The following FSTL1 variants were observed in gnomAD, a reference collection of about 807,000 sequenced individuals.
FSTL1 encodes the protein follistatin like 1, also known as follistatin-related protein 1.
FSTL1 carries 24 observed loss-of-function variants against 45.9 expected under a neutral mutation model. The ratio of observed to expected loss-of-function variants is 0.52; its 90% CI spans 0.38 to 0.74. The LOEUF (loss-of-function observed/expected upper bound fraction) is 0.74, where lower values mean the gene tolerates loss of function less well. Among genes scored for constraint, FSTL1 ranks in the 30% least tolerant of loss-of-function variants. The pLI is 0.00. For missense variants in FSTL1, 340 were observed against 381.8 expected (o/e 0.89, Z 0.91); for synonymous variants, 120 against 137.6 (o/e 0.87, Z 0.89).
intron 9 of FSTL1, 70 bp downstream of exon 9, chr3:120,402,738 A>G (rs770867702): frequency 1.0e-6 from 1 of 989,418 alleles, no homozygotes; most frequent in Admixed American, 1.7e-5. Flanking sequence ...CCCCACCCCA[A>G]CTTCTCTCAT....
intron 2 of FSTL1, among the ~76,000 whole-genome samples, chr3:120,433,429 G>A (rs1204417108): frequency 6.6e-6 from 1 of 152,190 alleles, no homozygotes; most frequent in Non-Finnish European, 1.5e-5. Flanking sequence ...AAAGATTGTA[G>A]GCACCTCTTC....
intron 2 of FSTL1, among the ~76,000 whole-genome samples, chr3:120,417,244 ACAATT>A (rs1299035802): frequency 1.1e-4 from 17 of 152,212 alleles, no homozygotes; most frequent in Admixed American, 9.8e-4. Context: ...TTGTAACAGT[ACAATT>A]CTTATAGTTG....
At chr3:120,443,357 G>A (rs1340174387) in intron 2 of FSTL1, among the ~76,000 whole-genome samples, 1 of 149,526 alleles carries the variant, frequency 6.7e-6, no homozygotes, top group Non-Finnish European at 1.5e-5. Context: ...TTCAGAACAG[G>A]GATCTGTATG....
chr3:120,400,709 C>A (rs1936804562), intron 9 of FSTL1, among the ~76,000 whole-genome samples: 1 of 152,160 alleles, frequency 6.6e-6, no homozygotes, highest in Non-Finnish European at 1.5e-5. Flanking sequence ...ATTTTGATGC[C>A]CCTTCTTGCT....
chr3:120,417,081 C>G (rs1472028483), intron 2 of FSTL1, among the ~76,000 whole-genome samples: 1 of 152,162 alleles, frequency 6.6e-6, no homozygotes, highest in Non-Finnish European at 1.5e-5. Context: ...AGACTCAAGG[C>G]TACTGGGCTA....
intron 6 of FSTL1, among the ~76,000 whole-genome samples, chr3:120,407,331 T>C (rs1228131286): frequency 1.3e-5 from 2 of 152,150 alleles, no homozygotes; most frequent in Non-Finnish European, 2.9e-5. Flanking sequence ...GAAGGCTGGC[T>C]CAAGTGTCAG....
intron 2 of FSTL1, chr3:120,438,284 C>G (rs1248596926): frequency 1.3e-5 from 2 of 152,072 alleles, no homozygotes; most frequent in African/African-American, 4.8e-5. Flanking sequence ...CCCAAAATTT[C>G]TTGATCGACT....
rs1223040845 is a variant in FSTL1, at chr3:120,412,112, G to A, written c.169-129C>T. 1.1e-5 allele frequency: 10 copies of A among 914,480 alleles called. No individual in the cohort carries two copies. In the East Asian group the frequency reaches 2.4e-4, roughly 22 times the overall value. The allele number at this position is 914,480 out of a possible 1,614,324, so 56.6% of individuals were successfully genotyped here. ...GGGACTCTCCACCACCAGAGATGGT[G>A]CTTCTACCCCATCAGGGCACAGGCA... On this transcript the variant is annotated intron_variant, in intron 3 of 10. Coordinates refer to ENST00000295633, the MANE Select transcript of FSTL1 (RefSeq NM_007085.5).
At chr3:120,416,060 A>G in intron 2 of FSTL1, 33 bp from the exon 3 acceptor site, 1 of 1,399,880 alleles carries the variant, frequency 7.1e-7, no homozygotes, top group South Asian at 1.2e-5. Flanking sequence ...AAACCGTGTG[A>G]CTGAGATGAA....
intron 3 of FSTL1, among the ~76,000 whole-genome samples, chr3:120,412,632 T>C (rs752718375): frequency 1.3e-5 from 2 of 152,160 alleles, no homozygotes; most frequent in Non-Finnish European, 2.9e-5. Context: ...CCACATCAAA[T>C]GAGCAGAAAG....
chr3:120,423,597 C>T (rs1237094343), intron 2 of FSTL1: 1 of 152,168 alleles, frequency 6.6e-6, no homozygotes, highest in Non-Finnish European at 1.5e-5. Flanking sequence ...GTGGCTCCAA[C>T]TCCGGTACTT....
intron 2 of FSTL1, among the ~76,000 whole-genome samples, chr3:120,436,434 G>A (rs1291431187): frequency 6.6e-6 from 1 of 152,224 alleles, no homozygotes; most frequent in African/African-American, 2.4e-5. Flanking sequence ...CACCTGAAGT[G>A]TGTTCCTACT....
chr3:120,431,762 T>C (rs1937482411), intron 2 of FSTL1, among the ~76,000 whole-genome samples: 1 of 152,236 alleles, frequency 6.6e-6, no homozygotes, highest in African/African-American at 2.4e-5. Flanking sequence ...CGACCTTCTT[T>C]AACTTGGAAT....
intron 2 of FSTL1, among the ~76,000 whole-genome samples, chr3:120,437,230 T>C (rs992118950): frequency 6.6e-6 from 1 of 152,156 alleles, no homozygotes; most frequent in African/African-American, 2.4e-5. Context: ...AAAATACATG[T>C]AATTAGCCCA....
intron 6 of FSTL1, among the ~76,000 whole-genome samples, chr3:120,406,193 C>CT (rs1263753325): frequency 6.6e-6 from 1 of 152,144 alleles, no homozygotes; most frequent in African/African-American, 2.4e-5. Context: ...GAACAGGTCT[C>CT]TGATGTCCTT....
chr3:120,431,266 C>T (rs562759187), intron 2 of FSTL1, among the ~76,000 whole-genome samples: 415 of 152,204 alleles, frequency 2.7e-3, no homozygotes, highest in African/African-American at 9.6e-3. Flanking sequence ...CCACCGCACC[C>T]GGCCTCTGGA....
intron 7 of FSTL1, among the ~76,000 whole-genome samples, chr3:120,403,954 A>AC (rs1936890178): frequency 1.1e-5 from 1 of 89,402 alleles, no homozygotes; most frequent in Non-Finnish European, 2.3e-5. Flanking sequence ...ACAAAAACAA[A>AC]ACAAAACAAA....
At position 120,446,120 on chromosome 3, in the gene FSTL1, T is replaced by C. The variant is rs116223369; in HGVS notation, c.63+4564A>G. Among the ~76,000 whole-genome samples, 746 of 152,264 alleles carry C rather than the reference T, an allele frequency of 4.9e-3. 20 individuals are homozygous for C. The highest frequency in any genetic ancestry group is 0.017 in the African/African-American group (700 of 41,488). On this transcript the variant is annotated intron_variant, in intron 2 of 10. Coordinates refer to ENST00000295633, the MANE Select transcript of FSTL1 (RefSeq NM_007085.5). Reference sequence around the variant, plus strand: ...TAGAAACATTCTGCCAGATGTCCAGTTATTTGAAGAGGACTAAGACAAAGA... The same window carrying C: ...TAGAAACATTCTGCCAGATGTCCAGCTATTTGAAGAGGACTAAGACAAAGA...
intron 2 of FSTL1, among the ~76,000 whole-genome samples, chr3:120,422,201 A>C (rs1937289616): frequency 6.6e-6 from 1 of 152,222 alleles, no homozygotes; most frequent in African/African-American, 2.4e-5. Context: ...ATTAAATGTC[A>C]TTTGGGGGTA....
Sources: allele counts gnomAD v4.1 joint callset (sites outside exome capture counted in the v4.1 genomes callset), GRCh38; gene constraint gnomAD v4.1.1; transcripts MANE v1.5; gene names NCBI Gene and HGNC (gene_info 2026-07-23, HGNC 2026-07-21).